Variants in SAMTOR observed in about 807,000 individuals in gnomAD.
SAMTOR encodes the protein UPF0532 protein C7orf60.
the SAMTOR span, among the ~76,000 whole-genome samples, chr7:112,915,011 C>T: frequency 5.9e-5 from 9 of 151,972 alleles, no homozygotes; most frequent in South Asian, 2.1e-4. Flanking sequence ...GAGGCTGAGG[C>T]GGGCAGGTCA....
the SAMTOR span, among the ~76,000 whole-genome samples, chr7:112,914,940 A>T: frequency 6.6e-6 from 1 of 152,254 alleles, no homozygotes; most frequent in East Asian, 1.9e-4. Context: ...ACACAGCATC[A>T]CTTAGATTTA....
the SAMTOR span, among the ~76,000 whole-genome samples, chr7:112,881,636 CT>C: frequency 6.6e-6 from 1 of 152,200 alleles, no homozygotes; most frequent in Non-Finnish European, 1.5e-5. Context: ...GAGGGTTACA[CT>C]CAGGACTGCC....
the SAMTOR span, among the ~76,000 whole-genome samples, chr7:112,861,550 T>C: frequency 1.3e-5 from 2 of 152,316 alleles, no homozygotes; most frequent in Non-Finnish European, 2.9e-5. Context: ...CTACAATAAA[T>C]ATGGCTGTTT....
At chr7:112,921,778 G>GTGGGTGAAT in the SAMTOR span, among the ~76,000 whole-genome samples, 1 of 33,740 alleles carries the variant, frequency 3.0e-5, no homozygotes, top group African/African-American at 1.3e-4. Context: ...CCATCAACAA[G>GTGGGTGAAT]GACATTAACA....
the SAMTOR span, chr7:112,939,832 G>C: frequency 8.9e-7 from 1 of 1,118,026 alleles, no homozygotes; most frequent in South Asian, 1.5e-5. Context: ...GGAGGAGGGA[G>C]CTGCGGAGGC....
At chr7:112,904,035 T>C in the SAMTOR span, among the ~76,000 whole-genome samples, 1 of 152,086 alleles carries the variant, frequency 6.6e-6, no homozygotes, top group Non-Finnish European at 1.5e-5. Context: ...GATATAACTA[T>C]TATAAATAGT....
the SAMTOR span, among the ~76,000 whole-genome samples, chr7:112,920,151 G>C: frequency 6.6e-6 from 1 of 152,168 alleles, no homozygotes; most frequent in Non-Finnish European, 1.5e-5. Context: ...AACCAAAAAA[G>C]AGAATTTTAG....
chr7:112,922,475 G>A, the SAMTOR span, among the ~76,000 whole-genome samples: 10 of 151,382 alleles, frequency 6.6e-5, no homozygotes, highest in South Asian at 4.2e-4. Flanking sequence ...AGTGAGGAGC[G>A]TCTCTGCCCG....
chr7:112,888,764 A>G, the SAMTOR span, among the ~76,000 whole-genome samples: 1 of 152,212 alleles, frequency 6.6e-6, no homozygotes, highest in Non-Finnish European at 1.5e-5. Flanking sequence ...TAAACTAAAA[A>G]GTTGAATAGT....
the SAMTOR span, among the ~76,000 whole-genome samples, chr7:112,875,281 TG>T: frequency 2.2e-4 from 34 of 152,282 alleles, no homozygotes; most frequent in Middle Eastern, 3.4e-3. Context: ...AACCAGCAAG[TG>T]ATCAAACCCA....
At chr7:112,841,625 T>C in the SAMTOR span, among the ~76,000 whole-genome samples, 1 of 151,854 alleles carries the variant, frequency 6.6e-6, no homozygotes, top group African/African-American at 2.4e-5. Flanking sequence ...GCCAAGACAA[T>C]CCTAAACAAA....
the SAMTOR span, among the ~76,000 whole-genome samples, chr7:112,919,802 G>C: frequency 4.5e-4 from 69 of 151,960 alleles, no homozygotes; most frequent in African/African-American, 1.0e-3. Flanking sequence ...AAACTACCAT[G>C]AGAGAATACT....
chr7:112,935,372 C>A, the SAMTOR span: 1 of 289,050 alleles, frequency 3.5e-6, no homozygotes, highest in Non-Finnish European at 6.9e-6. Flanking sequence ...CATTCATTCT[C>A]TTATTTTTAG....
the SAMTOR span, among the ~76,000 whole-genome samples, chr7:112,851,869 G>T: frequency 1.3e-5 from 2 of 152,192 alleles, no homozygotes; most frequent in East Asian, 3.9e-4. Flanking sequence ...TTCCAAAGAA[G>T]ACATACAAGT....
chr7:112,900,182 G>C, the SAMTOR span, among the ~76,000 whole-genome samples: 1 of 152,188 alleles, frequency 6.6e-6, no homozygotes, highest in Non-Finnish European at 1.5e-5. Flanking sequence ...TGGCTTATGT[G>C]ATTATGCAGA....
chr7:112,902,988 A>G, the SAMTOR span, among the ~76,000 whole-genome samples: 2 of 152,204 alleles, frequency 1.3e-5, no homozygotes, highest in African/African-American at 4.8e-5. Context: ...ATCCAAATTG[A>G]GAGGCAATCT....
the SAMTOR span, among the ~76,000 whole-genome samples, chr7:112,914,735 A>G: frequency 1.3e-5 from 2 of 152,178 alleles, no homozygotes; most frequent in Admixed American, 6.5e-5. Context: ...ATTTAAATGT[A>G]TTGTATGTAT....
the SAMTOR span, among the ~76,000 whole-genome samples, chr7:112,894,804 T>C: frequency 6.6e-6 from 1 of 152,118 alleles, no homozygotes; most frequent in Non-Finnish European, 1.5e-5. Context: ...AATTAAACCA[T>C]ATCACAGAGC....
the SAMTOR span, among the ~76,000 whole-genome samples, chr7:112,910,250 G>C: frequency 1.9e-4 from 29 of 152,024 alleles, no homozygotes; most frequent in Non-Finnish European, 4.0e-4. Flanking sequence ...CAACCCCGTT[G>C]TCCTAACTGT....
Sources: gnomAD v4.1 joint callset for allele counts (sites outside exome capture counted in the v4.1 genomes callset) on GRCh38, gnomAD v4.1.1 for gene constraint, MANE v1.5 for transcripts, NCBI Gene and HGNC (gene_info 2026-07-23, HGNC 2026-07-21) for gene names.